The following FIGNL2 variants were observed in gnomAD, a reference collection of about 807,000 sequenced individuals.
FIGNL2 encodes the protein fidgetin like 2.
For missense variants in FIGNL2, 1,060 were observed against 950.2 expected (o/e 1.12, Z -1.52); for synonymous variants, 565 against 484.0 (o/e 1.17, Z -2.20).
At chr12:51,827,515 T>C (rs1939369919) in intron 1 of FIGNL2, among the ~76,000 whole-genome samples, 1 of 152,128 alleles carries the variant, frequency 6.6e-6, no homozygotes, top group Admixed American at 6.5e-5. Context: ...CCTGAGCCAC[T>C]GCACCCAGCC....
At chr12:51,844,779 A>G (rs1939716711) in intron 1 of FIGNL2, 3 of 985,276 alleles carry the variant, frequency 3.0e-6, no homozygotes, top group African/African-American at 1.7e-5. Context: ...ATAGTCAGAG[A>G]TGAGATGACC....
intron 1 of FIGNL2, among the ~76,000 whole-genome samples, chr12:51,828,946 C>T (rs1178107284): frequency 6.6e-6 from 1 of 152,248 alleles, no homozygotes; most frequent in Admixed American, 6.5e-5. Flanking sequence ...TCAACACCCT[C>T]CTCCAACCCC....
rs1324529767 is a variant in FIGNL2, at chr12:51,848,700, C to A, written c.-172G>T. 3 of 270,140 alleles carry A rather than the reference C, an allele frequency of 1.1e-5. No individual in the cohort carries two copies. Among genetic ancestry groups the A allele is most frequent in the Non-Finnish European group, 1.7e-5 (3 of 176,290 alleles). The allele number at this position is 270,140 out of a possible 1,614,324, so 16.7% of individuals were successfully genotyped here. ...CTGCTGCTGCGGCTGCTGCGGCCGCCGCGGGCGGGAGCGGGACTGGGCAGT... is the reference window on the plus strand; with the variant it reads ...CTGCTGCTGCGGCTGCTGCGGCCGCAGCGGGCGGGAGCGGGACTGGGCAGT... On this transcript the variant is annotated 5_prime_UTR_variant, in exon 1 of 2. Transcript: ENST00000618634.
At position 51,828,134 on chromosome 12, in the gene FIGNL2, A is replaced by AT. The variant is rs549104356; in HGVS notation, c.-11-5711dup. On this transcript the variant is annotated intron_variant, in intron 1 of 1. Coordinates refer to ENST00000618634, the MANE Select transcript of FIGNL2 (RefSeq NM_001384995.1). ...GTGGCTCTGCCCCCGAGTGCTGTGT[A>AT]TTTACCCTTCAGAGCAGGCAGGAGA... is the stretch of plus-strand genomic sequence containing the variant. Among the ~76,000 whole-genome samples, 245 of 152,250 alleles carry AT rather than the reference A, an allele frequency of 1.6e-3. 1 individual carries two copies. Among genetic ancestry groups the AT allele is most frequent in the African/African-American group, 5.3e-3 (219 of 41,536 alleles).
At chr12:51,830,800 T>C (rs1354383121) in intron 1 of FIGNL2, among the ~76,000 whole-genome samples, 4 of 151,958 alleles carry the variant, frequency 2.6e-5, no homozygotes, top group African/African-American at 9.7e-5. Flanking sequence ...TACGCTCTTT[T>C]TTTCTTGAGA....
chr12:51,825,499 TCCAGTAAGCCA>T (rs1251124616), intron 1 of FIGNL2, among the ~76,000 whole-genome samples: 8 of 152,110 alleles, frequency 5.3e-5, no homozygotes, highest in Non-Finnish European at 1.0e-4. Flanking sequence ...AACTGTGGAC[TCCAGTAAGCCA>T]CCTCCAGTCC....
At position 51,831,709 on chromosome 12, in the gene FIGNL2, A is replaced by C. The variant is rs187004927; in HGVS notation, c.-11-9285T>G. On this transcript the variant is annotated intron_variant, in intron 1 of 1. Coordinates refer to ENST00000618634, the MANE Select transcript of FIGNL2 (RefSeq NM_001384995.1). ...AGTCTCCCTCTTGTGCACTGATCCCACCCTCTTTCAAGAAAGACACTGTTC... is the reference window on the plus strand; with the variant it reads ...AGTCTCCCTCTTGTGCACTGATCCCCCCCTCTTTCAAGAAAGACACTGTTC... The C allele has an allele frequency of 1.6e-3, 254 of 154,208 alleles. 1 individual carries two copies. Among genetic ancestry groups the C allele is most frequent in the African/African-American group, 5.8e-3 (242 of 41,506 alleles). 9.6% of individuals were successfully genotyped at this position (154,208 alleles called of 1,614,324 possible).
rs372369926 is a variant in FIGNL2 at position 51,833,614 on chromosome 12, C to CT, written c.-11-11191_-11-11190insA. Among the ~76,000 whole-genome samples the CT allele has an allele frequency of 8.0e-3, 1,224 of 152,286 alleles. 13 individuals carry two copies. Among genetic ancestry groups the CT allele is most frequent in the Non-Finnish European group, 0.014 (962 of 68,024 alleles). On this transcript the variant is annotated intron_variant, in intron 1 of 1. Coordinates refer to ENST00000618634, the MANE Select transcript of FIGNL2 (RefSeq NM_001384995.1). The stretch of plus-strand genomic sequence containing the variant: ...CACCCTGGCCTCCTCACAGCTCCTC[C>CT]CGCCACGCTGCTTTCCACCTCAGTG...
rs1239416916 is a variant in FIGNL2, at chr12:51,822,161, C to A, written c.253G>T (p.Asp85Tyr). Residue 85 changes from aspartate (D) to tyrosine (Y), a missense_variant, in exon 2 of 2, where the codon GAC becomes TAC. Transcript: ENST00000618634. ...YERPALGGYSDASFLNGAKGD... is the reference protein window; with the variant it reads ...YERPALGGYSYASFLNGAKGD... ...TTGGCGCCGTTGAGGAAGGAGGCGT[C>A]GCTGTACCCGCCCAGGGCCGGACGC... 1.2e-6 allele frequency: 2 copies of A among 1,611,348 alleles called. No homozygotes were observed. Among genetic ancestry groups the A allele is most frequent in the African/African-American group, 1.3e-5 (1 of 74,890 alleles).
At position 51,847,771 on chromosome 12, in the gene FIGNL2, G is replaced by T. The variant is rs377179001; in HGVS notation, c.-12+769C>A. On this transcript the variant is annotated intron_variant, in intron 1 of 1. Coordinates refer to ENST00000618634, the MANE Select transcript of FIGNL2 (RefSeq NM_001384995.1). Reference sequence around the variant, plus strand: ...GAAGGACCCTCTGCAGCGGCGGGGGGGTTGCTAGCATGCGAATCTCTGTGT... The same window carrying T: ...GAAGGACCCTCTGCAGCGGCGGGGGTGTTGCTAGCATGCGAATCTCTGTGT... 7.4e-5 allele frequency: 73 copies of T among 985,392 alleles called. No individual in the cohort carries two copies. In the Middle Eastern group the frequency reaches 2.1e-3, roughly 28 times the overall value. The allele number at this position is 985,392 out of a possible 1,614,324, so 61.0% of individuals were successfully genotyped here.
intron 1 of FIGNL2, among the ~76,000 whole-genome samples, chr12:51,840,846 C>T (rs528019233): frequency 2.6e-5 from 4 of 152,374 alleles, no homozygotes; most frequent in African/African-American, 7.2e-5. Context: ...CACACTTCCC[C>T]TCCCCGTAGC....
rs1222956431 is a variant in FIGNL2 at position 51,821,745 on chromosome 12, TG to T, written c.668del (p.Pro223GlnfsTer9). On this transcript the variant is annotated frameshift_variant, in exon 2 of 2. Transcript: ENST00000618634. LOFTEE classifies it low-confidence loss of function (END_TRUNC). ...TCAGGTAGGGGGCCGGGGGTGGGCC[TG>T]GGGGCGGCGGGAGCGCGCCATAGCC... ...QPGYGALPPP[P>X]GPPPAPYLTP... 1 of 685,100 alleles carries T rather than the reference TG, an allele frequency of 1.5e-6. No homozygotes were observed. The allele number at this position is 685,100 out of a possible 1,614,324, so 42.4% of individuals were successfully genotyped here.
At position 51,822,430 on chromosome 12, in the gene FIGNL2, G is replaced by A. The variant is rs1177079743; in HGVS notation, c.-11-6C>T. On this transcript the variant is annotated splice_polypyrimidine_tract_variant and splice_region_variant and intron_variant, in intron 1 of 1. Coordinates refer to ENST00000618634, the MANE Select transcript of FIGNL2 (RefSeq NM_001384995.1). ...CCAGTGCATCTTCAACAGAGCTGCG[G>A]GCAAGAGACAGGAGGTCTGGTGAGG... 1 of 1,612,910 alleles carries A rather than the reference G, an allele frequency of 6.2e-7. No individual in the cohort carries two copies. The highest frequency in any genetic ancestry group is 1.1e-5 in the South Asian group (1 of 90,750).
intron 1 of FIGNL2, among the ~76,000 whole-genome samples, chr12:51,822,841 T>A (rs564231174): frequency 6.6e-6 from 1 of 152,210 alleles, no homozygotes; most frequent in African/African-American, 2.4e-5. Flanking sequence ...GTAAGAGATG[T>A]TTGTCACCTA....
rs1188789389 is a variant in FIGNL2, at chr12:51,820,869, C to T, written c.1545G>A (p.Leu515=). Residue 515 remains leucine, a synonymous_variant, in exon 2 of 2, where the codon CTG becomes CTA. Transcript: ENST00000618634. Reference sequence around the variant, plus strand: ...CGCCGCAGCCCCCGTCCAGGCAGGCCAGGAGCGGCACCTGCAGCGCGCCCC... The same window carrying T: ...CGCCGCAGCCCCCGTCCAGGCAGGCTAGGAGCGGCACCTGCAGCGCGCCCC... ...AAGGALQVPL[L]ACLDGGCGAG... is the part of the protein sequence containing the mutation. The T allele has an allele frequency of 5.7e-6, 8 of 1,405,130 alleles. No homozygotes were observed. The East Asian group carries it at 1.6e-4, about 27-fold the overall frequency. 87.0% of individuals were successfully genotyped at this position (1,405,130 alleles called of 1,614,324 possible). A position where few individuals can be genotyped will look rare whatever the true frequency, so the allele number is the denominator to read the frequency against.
chr12:51,827,375 T>A (rs1939366494), intron 1 of FIGNL2, among the ~76,000 whole-genome samples: 1 of 151,154 alleles, frequency 6.6e-6, no homozygotes, highest in African/African-American at 2.4e-5. Context: ...AACCTCAATT[T>A]CCCCATTTCT....
chr12:51,827,404 T>A lies in FIGNL2; in HGVS notation c.-11-4980A>T, dbSNP rs185137070. Among the ~76,000 whole-genome samples the A allele has an allele frequency of 3.8e-3, 577 of 152,080 alleles. 2 individuals are homozygous for A. Among genetic ancestry groups the A allele is most frequent in the African/African-American group, 0.013 (535 of 41,516 alleles). ...CATTTCTATTTGTTTTTTTTTTTTT[T>A]AAGTAGAGACAGGGTTTTGCCATAT... On this transcript the variant is annotated intron_variant, in intron 1 of 1. Coordinates refer to ENST00000618634, the MANE Select transcript of FIGNL2 (RefSeq NM_001384995.1).
chr12:51,822,564 C>CT (rs1939246736), intron 1 of FIGNL2, 140 bp from the exon 2 acceptor site: 14 of 857,338 alleles, frequency 1.6e-5, no homozygotes, highest in Non-Finnish European at 2.6e-5. Context: ...GCCCCACTCT[C>CT]TTGGGGCCCT....
intron 1 of FIGNL2, chr12:51,835,352 G>C (rs942704208): frequency 1.3e-5 from 2 of 152,274 alleles, no homozygotes; most frequent in African/African-American, 2.4e-5. Flanking sequence ...CAAAGGAACA[G>C]ATGATTCTCT....
Sources: gnomAD v4.1 joint callset for allele counts (sites outside exome capture counted in the v4.1 genomes callset) on GRCh38, gnomAD v4.1.1 for gene constraint, MANE v1.5 for transcripts, NCBI Gene and HGNC (gene_info 2026-07-23, HGNC 2026-07-21) for gene names.